Variants in NTM observed in about 807,000 individuals in gnomAD.
NTM encodes IgLON family member 2.
NTM carries 13 observed loss-of-function variants against 42.1 expected under a neutral mutation model. The observed-to-expected ratio is 0.31, with a 90% CI of 0.20 to 0.49. NTM has a LOEUF of 0.49. Ranked by LOEUF, NTM falls within the 20% of genes least tolerant of loss-of-function variation. The probability of loss-of-function intolerance (pLI) is 0.99; values close to 1 mark genes in which losing one functional copy is unlikely to be tolerated. For missense variants in NTM, 373 were observed against 452.8 expected (o/e 0.82, Z 1.60); for synonymous variants, 187 against 179.2 (o/e 1.04, Z -0.35).
chr11:131,808,814 G>C (rs914791806), intron 1 of NTM, among the ~76,000 whole-genome samples: 3 of 152,208 alleles, frequency 2.0e-5, no homozygotes, highest in African/African-American at 7.2e-5. Flanking sequence ...CAAGTACGTA[G>C]AAGCATGCCC....
intron 4 of NTM, among the ~76,000 whole-genome samples, chr11:132,246,455 G>T (rs1158538597): frequency 6.6e-6 from 1 of 152,202 alleles, no homozygotes; most frequent in East Asian, 1.9e-4. Flanking sequence ...TTCTGCCGAG[G>T]TCACAGAGCT....
At chr11:131,404,241 C>A (rs1240079553) in intron 1 of NTM, among the ~76,000 whole-genome samples, 1 of 152,198 alleles carries the variant, frequency 6.6e-6, no homozygotes, top group Non-Finnish European at 1.5e-5. Context: ...AAGCTACTCT[C>A]ATCAAGGTCA....
intron 1 of NTM, among the ~76,000 whole-genome samples, chr11:131,677,827 G>A (rs1196602482): frequency 6.6e-6 from 1 of 152,168 alleles, no homozygotes; most frequent in Non-Finnish European, 1.5e-5. Flanking sequence ...TGGCATCCTT[G>A]TCCCCTCCAC....
intron 1 of NTM, among the ~76,000 whole-genome samples, chr11:131,879,504 C>T (rs2049132733): frequency 6.6e-6 from 1 of 152,088 alleles, no homozygotes; most frequent in Non-Finnish European, 1.5e-5. Flanking sequence ...CTGAAGTAAA[C>T]TTATTAGGTG....
intron 1 of NTM, among the ~76,000 whole-genome samples, chr11:131,739,843 A>G (rs185569092): frequency 7.2e-5 from 11 of 152,358 alleles, no homozygotes; most frequent in East Asian, 3.9e-4. Flanking sequence ...AGACAGGTCT[A>G]TAGCAGCAGC....
chr11:131,899,923 A>G (rs2052884342), intron 1 of NTM, among the ~76,000 whole-genome samples: 1 of 152,232 alleles, frequency 6.6e-6, no homozygotes. Context: ...AATTATTTCA[A>G]TTTTTGAATT....
intron 1 of NTM, among the ~76,000 whole-genome samples, chr11:131,402,625 A>G (rs929799858): frequency 6.6e-6 from 1 of 152,182 alleles, no homozygotes; most frequent in African/African-American, 2.4e-5. Context: ...CTCAGAATGG[A>G]AAGATATACA....
chr11:131,746,224 T>C (rs2081805819), intron 1 of NTM, among the ~76,000 whole-genome samples: 1 of 152,048 alleles, frequency 6.6e-6, no homozygotes. Context: ...TCAGGGCTGG[T>C]GAGATTTAAT....
chr11:131,504,367 G>A (rs2047221515), intron 1 of NTM, among the ~76,000 whole-genome samples: 1 of 152,090 alleles, frequency 6.6e-6, no homozygotes, highest in African/African-American at 2.4e-5. Context: ...GTGGCTCTCG[G>A]CTGCCCCCAC....
At chr11:132,085,565 G>A (rs562390967) in intron 2 of NTM, among the ~76,000 whole-genome samples, 1 of 152,294 alleles carries the variant, frequency 6.6e-6, no homozygotes, top group Non-Finnish European at 1.5e-5. Context: ...CTTTAAGACT[G>A]TTTTTATTTC....
At chr11:132,317,534 A>G in intron 7 of NTM, 1 of 415,184 alleles carries the variant, frequency 2.4e-6, no homozygotes, top group Non-Finnish European at 4.1e-6. Context: ...TTTTTATATA[A>G]TCCCCCAGAA....
intron 1 of NTM, among the ~76,000 whole-genome samples, chr11:131,789,909 T>G (rs1266362566): frequency 7.8e-6 from 1 of 127,694 alleles, no homozygotes; most frequent in African/African-American, 3.1e-5. Flanking sequence ...TGAGCCGAGA[T>G]CGCGCCACTG....
intron 1 of NTM, among the ~76,000 whole-genome samples, chr11:131,706,061 AG>A (rs2076561035): frequency 1.3e-5 from 2 of 152,110 alleles, no homozygotes; most frequent in Admixed American, 6.5e-5. Flanking sequence ...TTATAAAAGA[AG>A]ATCCAACTGC....
At chr11:131,757,139 C>A (rs1402985717) in intron 1 of NTM, among the ~76,000 whole-genome samples, 1 of 152,210 alleles carries the variant, frequency 6.6e-6, no homozygotes, top group Non-Finnish European at 1.5e-5. Context: ...ACAGCTACAT[C>A]TCCTTTGTGA....
intron 2 of NTM, among the ~76,000 whole-genome samples, chr11:132,144,966 G>T (rs1410642185): frequency 1.3e-5 from 2 of 152,214 alleles, no homozygotes; most frequent in African/African-American, 2.4e-5. Flanking sequence ...CACAGTACAG[G>T]ATGTCTCATG....
chr11:131,783,051 T>A (rs1243631571), intron 1 of NTM, among the ~76,000 whole-genome samples: 2 of 152,170 alleles, frequency 1.3e-5, no homozygotes, highest in African/African-American at 4.8e-5. Context: ...TCTCTGAATT[T>A]ATGAGTGGCA....
chr11:132,144,410 G>T (rs1482031362), intron 2 of NTM, among the ~76,000 whole-genome samples: 1 of 152,178 alleles, frequency 6.6e-6, no homozygotes, highest in East Asian at 1.9e-4. Flanking sequence ...TATTTCCATA[G>T]AAATCTGTGG....
At chr11:131,930,536 A>T (rs1311421192) in intron 2 of NTM, among the ~76,000 whole-genome samples, 9 of 152,212 alleles carry the variant, frequency 5.9e-5, no homozygotes. Flanking sequence ...TGCATAATAT[A>T]TCTATGTATA....
chr11:131,529,619 C>T (rs2050963451), intron 1 of NTM, among the ~76,000 whole-genome samples: 1 of 152,090 alleles, frequency 6.6e-6, no homozygotes, highest in South Asian at 2.1e-4. Flanking sequence ...CAACTGAAAT[C>T]AAGGCTGCTC....
Sources: gnomAD v4.1 joint callset for allele counts (sites outside exome capture counted in the v4.1 genomes callset) on GRCh38, gnomAD v4.1.1 for gene constraint, MANE v1.5 for transcripts, NCBI Gene and HGNC (gene_info 2026-07-23, HGNC 2026-07-21) for gene names.